ATP8B4: variants seen among roughly 807,000 people sequenced by gnomAD.
ATP8B4 encodes ATPase phospholipid transporting 8B4 (putative), also known as probable phospholipid-transporting ATPase IM.
In ATP8B4, 133 loss-of-function variants were observed where a neutral mutation model predicts 145.6. The ratio of observed to expected loss-of-function variants is 0.91; its 90% CI spans 0.79 to 1.05. ATP8B4 has a LOEUF of 1.05. ATP8B4 is among the 50% of genes least tolerant of loss of function. The pLI is 0.00. For synonymous variants in ATP8B4, 507 were observed against 492.9 expected (o/e 1.03, Z -0.38); for missense variants, 1,458 against 1,425.2 (o/e 1.02, Z -0.37).
chr15:50,128,324 G>A (rs1041559221), intron 1 of ATP8B4, among the ~76,000 whole-genome samples: 1 of 152,184 alleles, frequency 6.6e-6, no homozygotes, highest in Non-Finnish European at 1.5e-5. Context: ...CATTTCCTTT[G>A]GGTCTGAAGG....
intron 20 of ATP8B4, among the ~76,000 whole-genome samples, chr15:49,906,381 G>A (rs1166828603): frequency 1.3e-5 from 2 of 152,164 alleles, no homozygotes; most frequent in South Asian, 2.1e-4. Context: ...CAGCATACAA[G>A]TAGTTCACAT....
At chr15:49,961,290 T>C (rs2153507540) in intron 14 of ATP8B4, among the ~76,000 whole-genome samples, 1 of 152,344 alleles carries the variant, frequency 6.6e-6, no homozygotes. Flanking sequence ...TCATAAACTT[T>C]GATAAAACAT....
intron 6 of ATP8B4, among the ~76,000 whole-genome samples, chr15:50,032,902 G>T (rs938003669): frequency 1.3e-5 from 2 of 151,984 alleles, no homozygotes; most frequent in African/African-American, 4.8e-5. Flanking sequence ...ACTTTTTCTT[G>T]TTTTCCAAAT....
At position 49,979,816 on chromosome 15, in the gene ATP8B4, G is replaced by A. The variant is rs554555620; in HGVS notation, c.838-3C>T. 1.3e-6 allele frequency: 2 copies of A among 1,568,110 alleles called. No individual in the cohort carries two copies. Among genetic ancestry groups the A allele is most frequent in the East Asian group, 4.5e-5 (2 of 44,336 alleles). On this transcript the variant is annotated splice_polypyrimidine_tract_variant and splice_region_variant and intron_variant, in intron 11 of 27. Coordinates refer to ENST00000284509, the MANE Select transcript of ATP8B4 (RefSeq NM_024837.4). ...AAGCATATCAGAAACCCAAAAATCT[G>A]AAATAAGATAGAAGTGTGGTTAAGG...
intron 2 of ATP8B4, among the ~76,000 whole-genome samples, chr15:50,077,263 T>C (rs2054241050): frequency 6.6e-6 from 1 of 152,254 alleles, no homozygotes; most frequent in Non-Finnish European, 1.5e-5. Flanking sequence ...AAAGAGCTTC[T>C]GGTTTAAGAT....
intron 1 of ATP8B4, among the ~76,000 whole-genome samples, chr15:50,156,607 A>G (rs1567410899): frequency 1.3e-5 from 2 of 152,332 alleles, no homozygotes; most frequent in East Asian, 3.8e-4. Context: ...AGATAAACAA[A>G]AAACTTAGTA....
Position 49,897,542 on chromosome 15 carries a change from C to T in ATP8B4, c.2474-27G>A, listed in dbSNP as rs765894485. 5 of 1,454,630 alleles carry T rather than the reference C, an allele frequency of 3.4e-6. No homozygotes were observed. In the East Asian group the frequency reaches 1.2e-4, roughly 34 times the overall value. The allele number at this position is 1,454,630 out of a possible 1,614,324, so 90.1% of individuals were successfully genotyped here. On this transcript the variant is annotated intron_variant, in intron 22 of 27. Transcript: ENST00000284509. ...TACAAAGGAAAGAGGAACACTGTCA[C>T]TCCCAAAACAAAGCCACGATCTCTT...
chr15:50,007,932 C>T (rs1407987556), intron 7 of ATP8B4, among the ~76,000 whole-genome samples: 4 of 152,174 alleles, frequency 2.6e-5, no homozygotes, highest in Admixed American at 2.0e-4. Context: ...CTCCCATCCT[C>T]GGTTATCCAA....
chr15:50,084,792 C>T (rs182195177), intron 2 of ATP8B4, among the ~76,000 whole-genome samples: 1 of 152,232 alleles, frequency 6.6e-6, no homozygotes, highest in East Asian at 1.9e-4. Flanking sequence ...CCACAGCAGT[C>T]CAACCTCTGC....
chr15:49,937,767 T>C (rs1306360520), intron 14 of ATP8B4, among the ~76,000 whole-genome samples: 1 of 152,212 alleles, frequency 6.6e-6, no homozygotes, highest in Non-Finnish European at 1.5e-5. Context: ...TGAACACACA[T>C]ATTGTCCAGA....
At chr15:49,981,652 T>C (rs1258213961) in intron 10 of ATP8B4, among the ~76,000 whole-genome samples, 1 of 152,112 alleles carries the variant, frequency 6.6e-6, no homozygotes, top group African/African-American at 2.4e-5. Flanking sequence ...ATATTAAAAA[T>C]AATGCAGCAA....
At chr15:50,055,330 C>A (rs140160318) in intron 3 of ATP8B4, among the ~76,000 whole-genome samples, 39 of 152,298 alleles carry the variant, frequency 2.6e-4, no homozygotes, top group African/African-American at 9.1e-4. Flanking sequence ...TTACTCTCAA[C>A]CAACCAAACA....
At chr15:50,085,483 G>A (rs1318017198) in intron 2 of ATP8B4, among the ~76,000 whole-genome samples, 1 of 151,954 alleles carries the variant, frequency 6.6e-6, no homozygotes, top group African/African-American at 2.4e-5. Flanking sequence ...GTTATTGGTG[G>A]TCAGGAATGC....
At chr15:50,048,606 G>A (rs892718439) in intron 3 of ATP8B4, among the ~76,000 whole-genome samples, 1 of 151,894 alleles carries the variant, frequency 6.6e-6, no homozygotes, top group Non-Finnish European at 1.5e-5. Flanking sequence ...TACTGAGGAG[G>A]CTGAGGCAGG....
At chr15:50,028,902 T>C (rs1366936460) in intron 6 of ATP8B4, among the ~76,000 whole-genome samples, 3 of 152,106 alleles carry the variant, frequency 2.0e-5, no homozygotes, top group Non-Finnish European at 4.4e-5. Flanking sequence ...CACCACAAAC[T>C]ATGTGGCTTA....
intron 26 of ATP8B4, 103 bp from the exon 27 acceptor site, chr15:49,862,478 G>C: frequency 7.6e-7 from 1 of 1,310,282 alleles, no homozygotes; most frequent in Non-Finnish European, 1.0e-6. Context: ...TTTTGAGATG[G>C]AGTCTTGCTC....
chr15:50,173,008 G>A (rs1475698003), intron 1 of ATP8B4, among the ~76,000 whole-genome samples: 1 of 149,420 alleles, frequency 6.7e-6, no homozygotes. Context: ...CGTCCGGGAG[G>A]TGGGGGGCAG....
chr15:50,099,427 G>A (rs773710831), intron 2 of ATP8B4, among the ~76,000 whole-genome samples: 4 of 152,004 alleles, frequency 2.6e-5, no homozygotes, highest in Non-Finnish European at 2.9e-5. Flanking sequence ...CTACAGGCAC[G>A]TGCCACCATG....
chr15:49,999,757 G>A (rs1409345776), intron 8 of ATP8B4, among the ~76,000 whole-genome samples: 2 of 151,898 alleles, frequency 1.3e-5, no homozygotes, highest in East Asian at 1.9e-4. Context: ...TCACAACCAC[G>A]ATATTGATAT....
Sources: gnomAD v4.1 joint callset for allele counts (sites outside exome capture counted in the v4.1 genomes callset) on GRCh38, gnomAD v4.1.1 for gene constraint, MANE v1.5 for transcripts, NCBI Gene and HGNC (gene_info 2026-07-23, HGNC 2026-07-21) for gene names.